CCDC13: variants seen among roughly 807,000 people sequenced by gnomAD.
CCDC13 encodes coiled-coil domain-containing protein 13.
CCDC13 carries 70 observed loss-of-function variants against 87.3 expected under a neutral mutation model. That is an observed-to-expected ratio of 0.80 (90% CI 0.66 to 0.98). CCDC13 has a LOEUF of 0.98. Among genes scored for constraint, CCDC13 ranks in the 50% least tolerant of loss-of-function variants. The pLI is 0.00. For missense variants in CCDC13, 842 were observed against 892.0 expected (o/e 0.94, Z 0.71); for synonymous variants, 317 against 360.3 (o/e 0.88, Z 1.36).
chr3:42,758,570 C>T (rs561711790), intron 1 of CCDC13, among the ~76,000 whole-genome samples: 37 of 152,322 alleles, frequency 2.4e-4, no homozygotes, highest in Admixed American at 2.1e-3. Flanking sequence ...CCAGATTGCA[C>T]ATGGCATCAG....
rs1194820394 is a variant in CCDC13 at position 42,730,257 on chromosome 3, C to G, written c.1718+210G>C. Among the ~76,000 whole-genome samples, 3 of 152,032 alleles carry G rather than the reference C, an allele frequency of 2.0e-5. No individual in the cohort carries two copies. The East Asian group carries it at 5.8e-4, about 29-fold the overall frequency. On this transcript the variant is annotated intron_variant, in intron 13 of 15. Transcript: ENST00000310232. Reference sequence around the variant, plus strand: ...TGCCATACAACAGTCCCATTGGGTGCATGTAGAATGGGGCTGTTCCTAAGG... The same window carrying G: ...TGCCATACAACAGTCCCATTGGGTGGATGTAGAATGGGGCTGTTCCTAAGG...
In CCDC13 at chr3:42,772,857, G is replaced by C. The variant is rs569937642; in HGVS notation, c.-7+319C>G. ...CAGTGGCAGAGGCCCAGCAAACAGC[G>C]CTTGTCAGGCGGACCTGAGTTCGAG... On this transcript the variant is annotated intron_variant, in intron 1 of 15. Coordinates refer to ENST00000310232, the MANE Select transcript of CCDC13 (RefSeq NM_144719.4). 2.0e-5 allele frequency among the ~76,000 whole-genome samples: 3 copies of C among 152,342 alleles called. No homozygotes were observed. In the East Asian group the frequency reaches 5.8e-4, roughly 29 times the overall value.
At chr3:42,772,291 G>A (rs55833325) in intron 1 of CCDC13, among the ~76,000 whole-genome samples, 49,651 of 75,940 alleles carry the variant, frequency 0.65, 15,084 homozygotes, top group South Asian at 0.69. Context: ...AAAAAAAAAA[G>A]TAATAATAAA....
chr3:42,717,411 C>T (rs1363808959), intron 13 of CCDC13, among the ~76,000 whole-genome samples: 1 of 128,462 alleles, frequency 7.8e-6, no homozygotes, highest in African/African-American at 3.1e-5. Context: ...CGGCAACAAG[C>T]GAGAATCCAT....
Position 42,735,921 on chromosome 3 carries a change from G to T in CCDC13, c.1165-8C>A. 3 of 1,611,090 alleles carry T rather than the reference G, an allele frequency of 1.9e-6. No homozygotes were observed. Among genetic ancestry groups the T allele is most frequent in the Non-Finnish European group, 2.5e-6 (3 of 1,178,794 alleles). On this transcript the variant is annotated splice_polypyrimidine_tract_variant and splice_region_variant and intron_variant, in intron 9 of 15. Coordinates refer to ENST00000310232, the MANE Select transcript of CCDC13 (RefSeq NM_144719.4). ...TAGCTGCTTCAGCTGGTCCTGGGGG[G>T]CCAGGCAGGAGGGCAGGTGGAGTCA...
chr3:42,771,079 T>G (rs928516853), intron 1 of CCDC13: 4 of 152,132 alleles, frequency 2.6e-5, no homozygotes, highest in Non-Finnish European at 5.9e-5. Flanking sequence ...CTTCAATAGG[T>G]GAGTAGATAA....
At chr3:42,729,894 G>A (rs1486954974) in intron 13 of CCDC13, among the ~76,000 whole-genome samples, 1 of 152,228 alleles carries the variant, frequency 6.6e-6, no homozygotes, top group Non-Finnish European at 1.5e-5. Context: ...TGAGCCATGT[G>A]TTGGCCTGGA....
At chr3:42,765,314 G>A (rs530886555) in intron 1 of CCDC13, among the ~76,000 whole-genome samples, 2 of 152,318 alleles carry the variant, frequency 1.3e-5, no homozygotes, top group East Asian at 1.9e-4. Flanking sequence ...GGTCCAGACC[G>A]GCCCCCAGAG....
intron 7 of CCDC13, among the ~76,000 whole-genome samples, chr3:42,744,721 C>T (rs1699340469): frequency 7.1e-6 from 1 of 140,480 alleles, no homozygotes; most frequent in African/African-American, 2.7e-5. Context: ...AGGAGAATGG[C>T]GTGAACCCGG....
In CCDC13 at chr3:42,709,154, A is replaced by T; in HGVS notation, c.1989-15T>A. On this transcript the variant is annotated splice_polypyrimidine_tract_variant and intron_variant, in intron 15 of 15. Coordinates refer to ENST00000310232, the MANE Select transcript of CCDC13 (RefSeq NM_144719.4). ...GGATGGCCAGCCTGGACCACAGGAG[A>T]CAGTGCTCAGTGTGGCTGGAGCTGC... 1 of 1,604,378 alleles carries T rather than the reference A, an allele frequency of 6.2e-7. No homozygotes were observed. Among genetic ancestry groups the T allele is most frequent in the Non-Finnish European group, 8.5e-7 (1 of 1,175,122 alleles).
At chr3:42,750,162 C>A (rs1007433226) in intron 5 of CCDC13, among the ~76,000 whole-genome samples, 1 of 152,194 alleles carries the variant, frequency 6.6e-6, no homozygotes, top group African/African-American at 2.4e-5. Context: ...GGTGACTTCA[C>A]CCCAGCTTTT....
chr3:42,771,201 G>C (rs1166249926), intron 1 of CCDC13: 1 of 152,174 alleles, frequency 6.6e-6, no homozygotes, highest in Admixed American at 6.5e-5. Flanking sequence ...GAAGAAGCCG[G>C]TCTGAAAAGG....
chr3:42,762,765 C>A (rs955222920), intron 1 of CCDC13, among the ~76,000 whole-genome samples: 1 of 152,094 alleles, frequency 6.6e-6, no homozygotes, highest in African/African-American at 2.4e-5. Context: ...TAATAGCTGG[C>A]CCAAAGGCTA....
chr3:42,760,940 A>G (rs923416176), intron 1 of CCDC13, among the ~76,000 whole-genome samples: 1 of 151,982 alleles, frequency 6.6e-6, no homozygotes, highest in African/African-American at 2.4e-5. Flanking sequence ...TTTTTTGCCC[A>G]TTTTTAAATT....
intron 5 of CCDC13, 116 bp downstream of exon 5, chr3:42,751,820 C>A (rs368887801): frequency 2.4e-6 from 2 of 829,440 alleles, no homozygotes; most frequent in Non-Finnish European, 3.9e-6. Context: ...GGCTCGGCAG[C>A]GGGGTTGGGG....
In CCDC13 at chr3:42,747,073, C is replaced by T; in HGVS notation, c.720+184G>A. 8 of 721,374 alleles carry T rather than the reference C, an allele frequency of 1.1e-5. No homozygotes were observed. In the South Asian group the frequency reaches 1.2e-4, roughly 10 times the overall value. 44.7% of individuals were successfully genotyped at this position (721,374 alleles called of 1,614,324 possible). A position where few individuals can be genotyped will look rare whatever the true frequency, so the allele number is the denominator to read the frequency against. The stretch of plus-strand genomic sequence containing the variant: ...TCAGGTAGCCAGCGACTCTGCCCAC[C>T]AAATGGTTATGGACCAAGGGCTGGT... On this transcript the variant is annotated intron_variant, in intron 6 of 15. Coordinates refer to ENST00000310232, the MANE Select transcript of CCDC13 (RefSeq NM_144719.4).
At chr3:42,770,002 T>A (rs974615077) in intron 1 of CCDC13, among the ~76,000 whole-genome samples, 4 of 152,206 alleles carry the variant, frequency 2.6e-5, no homozygotes, top group Admixed American at 2.6e-4. Flanking sequence ...CGCCACCCCC[T>A]GCTCCGCAGC....
chr3:42,709,833 G>A (rs1467031802), intron 14 of CCDC13, 35 bp from the exon 15 acceptor site: 2 of 1,506,914 alleles, frequency 1.3e-6, no homozygotes, highest in Admixed American at 1.7e-5. Context: ...CTGTGAGGAG[G>A]CCACAGCCCT....
intron 13 of CCDC13, among the ~76,000 whole-genome samples, chr3:42,722,791 CTTTTTTTTTTTTTT>C (rs956889825): frequency 1.5e-4 from 16 of 109,098 alleles, no homozygotes; most frequent in Admixed American, 2.1e-4. Context: ...TATTCCTTTA[CTTTTTTTTTTTTTT>C]TTTTTTTTTG....
Sources: allele counts gnomAD v4.1 joint callset (sites outside exome capture counted in the v4.1 genomes callset), GRCh38; gene constraint gnomAD v4.1.1; transcripts MANE v1.5; gene names NCBI Gene and HGNC (gene_info 2026-07-23, HGNC 2026-07-21).